Variants in AUTS2 observed in about 807,000 individuals in gnomAD.
AUTS2 encodes autism susceptibility gene 2 protein.
Under a neutral mutation model 112.4 loss-of-function variants are expected in AUTS2, and 17 were observed. The observed-to-expected ratio is 0.15, with a 90% CI of 0.10 to 0.23. The LOEUF is 0.23. Ranked by LOEUF, AUTS2 falls within the 10% of genes least tolerant of loss-of-function variation. The pLI, the probability that AUTS2 is intolerant of heterozygous loss-of-function variation, is 1.00. For synonymous variants in AUTS2, 751 were observed against 702.7 expected (o/e 1.07, Z -1.09); for missense variants, 1,510 against 1,701.6 (o/e 0.89, Z 1.98).
intron 4 of AUTS2, among the ~76,000 whole-genome samples, chr7:70,235,397 C>T (rs1041398951): frequency 6.6e-6 from 1 of 152,066 alleles, no homozygotes; most frequent in African/African-American, 2.4e-5. Context: ...CTTGTCCTTC[C>T]AAAGTGCTGA....
At chr7:69,683,036 C>T (rs1037400018) in intron 1 of AUTS2, among the ~76,000 whole-genome samples, 6 of 152,208 alleles carry the variant, frequency 3.9e-5, no homozygotes, top group African/African-American at 1.2e-4. Flanking sequence ...ACAGCTCCAC[C>T]GTACAGAGGG....
chr7:70,391,448 A>G lies in AUTS2; in HGVS notation c.661-44304A>G, dbSNP rs770572306. Among the ~76,000 whole-genome samples the G allele has an allele frequency of 6.6e-5, 10 of 152,342 alleles. No individual in the cohort carries two copies. The East Asian group carries it at 1.2e-3, about 18-fold the overall frequency. ...AATAAAATACAACAAAACTCACCGCAGAAGTCCCCTACATTGAACTGTTTT... is the reference window on the plus strand; with the variant it reads ...AATAAAATACAACAAAACTCACCGCGGAAGTCCCCTACATTGAACTGTTTT... On this transcript the variant is annotated intron_variant, in intron 4 of 18. Coordinates refer to ENST00000342771, the MANE Select transcript of AUTS2 (RefSeq NM_015570.4).
intron 4 of AUTS2, among the ~76,000 whole-genome samples, chr7:70,340,195 C>CACACACACACACACA (rs1562892230): frequency 2.7e-5 from 4 of 150,476 alleles, no homozygotes; most frequent in East Asian, 1.9e-4. Flanking sequence ...CACACACACA[C>CACACACACACACACA]CCCGTAATAA....
intron 5 of AUTS2, among the ~76,000 whole-genome samples, chr7:70,515,527 C>T (rs1327959804): frequency 6.6e-6 from 1 of 152,110 alleles, no homozygotes; most frequent in Non-Finnish European, 1.5e-5. Flanking sequence ...CCCTTGGCCA[C>T]TCAAGTCTAC....
chr7:70,710,689 A>T (rs1273262921), intron 6 of AUTS2, among the ~76,000 whole-genome samples: 1 of 152,206 alleles, frequency 6.6e-6, no homozygotes, highest in Non-Finnish European at 1.5e-5. Flanking sequence ...TTTGATTGTT[A>T]CCAAGTCCAT....
intron 4 of AUTS2, among the ~76,000 whole-genome samples, chr7:70,160,720 C>G (rs1808033927): frequency 6.6e-6 from 1 of 152,180 alleles, no homozygotes; most frequent in African/African-American, 2.4e-5. Flanking sequence ...GTGAAAGGGC[C>G]TTCATCAATA....
intron 2 of AUTS2, among the ~76,000 whole-genome samples, chr7:70,030,066 A>C (rs1156423509): frequency 6.6e-6 from 1 of 152,208 alleles, no homozygotes; most frequent in Non-Finnish European, 1.5e-5. Context: ...TCACAAGTTC[A>C]GTGGCCCAAA....
At chr7:70,380,166 T>G (rs1793302611) in intron 4 of AUTS2, among the ~76,000 whole-genome samples, 1 of 152,250 alleles carries the variant, frequency 6.6e-6, no homozygotes, top group African/African-American at 2.4e-5. Context: ...TTTTTCATTG[T>G]AACATTTGAC....
At chr7:70,733,611 G>A (rs369697499) in intron 6 of AUTS2, among the ~76,000 whole-genome samples, 111 of 139,738 alleles carry the variant, frequency 7.9e-4, no homozygotes, top group Middle Eastern at 4.0e-3. Context: ...TTTTGAGACG[G>A]AGTCTCACTC....
chr7:70,425,971 C>T (rs192037202), intron 4 of AUTS2, among the ~76,000 whole-genome samples: 43 of 152,200 alleles, frequency 2.8e-4, no homozygotes, highest in African/African-American at 8.7e-4. Flanking sequence ...ACTCAATTAA[C>T]GTTCTTAGCA....
chr7:70,425,271 G>A (rs974549893), intron 4 of AUTS2, among the ~76,000 whole-genome samples: 4 of 152,124 alleles, frequency 2.6e-5, no homozygotes, highest in Non-Finnish European at 5.9e-5. Flanking sequence ...GGAGAAAATA[G>A]AGCAATTACC....
At chr7:70,368,832 A>G (rs1030638526) in intron 4 of AUTS2, among the ~76,000 whole-genome samples, 8 of 152,316 alleles carry the variant, frequency 5.3e-5, no homozygotes, top group South Asian at 2.1e-4. Context: ...CTTTTTCCCA[A>G]TGAAGGAGGC....
chr7:70,777,739 T>G (rs923862097), intron 14 of AUTS2, among the ~76,000 whole-genome samples: 1 of 152,254 alleles, frequency 6.6e-6, no homozygotes. Context: ...TTTTGTCATT[T>G]TATTGATCCA....
At position 69,599,784 on chromosome 7, in the gene AUTS2, G is replaced by A. The variant is rs756779190; in HGVS notation, c.131G>A (p.Arg44Gln). The A allele has an allele frequency of 3.2e-6, 5 of 1,546,154 alleles. No homozygotes were observed. Among genetic ancestry groups the A allele is most frequent in the Non-Finnish European group, 2.6e-6 (3 of 1,148,528 alleles). Reference protein sequence around the residue: ...AAGGGGAGRTRALSLASSSGS... With the variant: ...AAGGGGAGRTQALSLASSSGS... Reference sequence around the variant, plus strand: ...GGCGGCGGCGGGGCTGGCCGGACCCGGGCGCTCTCACTCGCCTCGTCGTCG... The same window carrying A: ...GGCGGCGGCGGGGCTGGCCGGACCCAGGCGCTCTCACTCGCCTCGTCGTCG... The change falls in exon 1 of 19, where the codon CGG (arginine) becomes CAG (glutamine). Residue 44 changes from arginine to glutamine, a missense_variant. Arg to Gln is a conservative substitution (Grantham distance 43). Around this residue, in one of 3 missense-constraint regions of AUTS2, gnomAD observed 535 missense variants for 594.3 expected, o/e 0.90. Transcript: ENST00000342771. The surrounding 1 kb of genome is among the most constrained non-coding windows in gnomAD (Gnocchi z 7.0).
At chr7:70,165,661 G>A (rs891213689) in intron 4 of AUTS2, among the ~76,000 whole-genome samples, 14 of 152,196 alleles carry the variant, frequency 9.2e-5, no homozygotes, top group Admixed American at 7.2e-4. Context: ...AAGCTCTTCA[G>A]ACAGTAGGAA....
chr7:69,752,350 T>C (rs1316394548), intron 1 of AUTS2, among the ~76,000 whole-genome samples: 1 of 152,218 alleles, frequency 6.6e-6, no homozygotes, highest in Admixed American at 6.5e-5. Flanking sequence ...CCCCTTGTCA[T>C]GGATCCAAGC....
chr7:70,752,325 C>G (rs1477877077), intron 6 of AUTS2, among the ~76,000 whole-genome samples: 6 of 152,102 alleles, frequency 3.9e-5, no homozygotes, highest in Non-Finnish European at 7.4e-5. Context: ...TGGAGTTTTC[C>G]TGTGTTCTTG....
intron 3 of AUTS2, chr7:70,118,494 C>T (rs1209978381): frequency 9.5e-6 from 3 of 316,910 alleles, no homozygotes; most frequent in African/African-American, 6.5e-5. Flanking sequence ...TTAGAAACAA[C>T]AAGGCCGGGC....
chr7:70,722,889 C>T (rs1786781591), intron 6 of AUTS2, among the ~76,000 whole-genome samples: 1 of 152,140 alleles, frequency 6.6e-6, no homozygotes, highest in Non-Finnish European at 1.5e-5. Context: ...CTTATTTTTA[C>T]TTTTGAAGAC....
Sources: allele counts gnomAD v4.1 joint callset (sites outside exome capture counted in the v4.1 genomes callset), GRCh38; gene constraint gnomAD v4.1.1; regional missense constraint gnomAD v4.1.1; non-coding constraint Gnocchi (gnomAD v3.1); transcripts MANE v1.5; gene names NCBI Gene and HGNC (gene_info 2026-07-23, HGNC 2026-07-21).